The following CNTN1 variants were observed in gnomAD, a reference collection of about 807,000 sequenced individuals.
CNTN1 encodes the protein contactin 1.
CNTN1 carries 38 observed loss-of-function variants against 126.4 expected under a neutral mutation model. The ratio of observed to expected loss-of-function variants is 0.30; its 90% CI spans 0.23 to 0.39. CNTN1 has a LOEUF of 0.39. Ranked by LOEUF, CNTN1 falls within the 10% of genes least tolerant of loss-of-function variation. The pLI is 1.00. For synonymous variants in CNTN1, 413 were observed against 422.6 expected, an observed-to-expected ratio of 0.98 and a Z score of 0.28; for missense variants, 1,009 against 1,248.4, an observed-to-expected ratio of 0.81 and a Z score of 2.89.
At chr12:40,988,245 T>A (rs985556121) in intron 16 of CNTN1, among the ~76,000 whole-genome samples, 1 of 152,144 alleles carries the variant, frequency 6.6e-6, no homozygotes, top group African/African-American at 2.4e-5. Flanking sequence ...AACAGACACC[T>A]GAATTTTTAT....
chr12:41,060,409 G>C (rs1949916131), intron 23 of CNTN1, among the ~76,000 whole-genome samples: 1 of 152,162 alleles, frequency 6.6e-6, no homozygotes, highest in South Asian at 2.1e-4. Flanking sequence ...CTTTCTCTCT[G>C]GTTCTACTTG....
chr12:40,746,023 A>C (rs1938166261), intron 1 of CNTN1, among the ~76,000 whole-genome samples: 1 of 152,164 alleles, frequency 6.6e-6, no homozygotes, highest in South Asian at 2.1e-4. Flanking sequence ...AAATCACAAA[A>C]TGTCTATTCC....
intron 1 of CNTN1, among the ~76,000 whole-genome samples, chr12:40,886,284 G>A (rs946939877): frequency 2.0e-5 from 3 of 152,068 alleles, no homozygotes; most frequent in Non-Finnish European, 4.4e-5. Flanking sequence ...ACCAGACAGC[G>A]ATGGGCCCTG....
chr12:40,822,453 G>A (rs995554012), intron 1 of CNTN1, among the ~76,000 whole-genome samples: 5 of 151,836 alleles, frequency 3.3e-5, no homozygotes, highest in Admixed American at 6.6e-5. Context: ...TATCTTGCTT[G>A]TTTTTACATG....
chr12:40,997,078 T>C lies in CNTN1; in HGVS notation c.2113+3809T>C, dbSNP rs139311075. On this transcript the variant is annotated intron_variant, in intron 17 of 23. Transcript: ENST00000551295. Reference sequence around the variant, plus strand: ...TCAGCGCACACTTGGGTGCATTCTTTGGATTCAGACACGTGCATTATAAAA... The same window carrying C: ...TCAGCGCACACTTGGGTGCATTCTTCGGATTCAGACACGTGCATTATAAAA... Among the ~76,000 whole-genome samples the C allele has an allele frequency of 9.1e-3, 1,381 of 152,348 alleles. 11 individuals are homozygous for C. Among genetic ancestry groups the C allele is most frequent in the Middle Eastern group, 0.024 (7 of 294 alleles).
intron 1 of CNTN1, among the ~76,000 whole-genome samples, chr12:40,789,278 G>T (rs1409509681): frequency 6.6e-6 from 1 of 152,142 alleles, no homozygotes; most frequent in South Asian, 2.1e-4. Context: ...TCACCCATCA[G>T]TCAATAACAC....
intron 1 of CNTN1, among the ~76,000 whole-genome samples, chr12:40,819,213 G>A (rs1274163733): frequency 1.3e-5 from 2 of 152,166 alleles, no homozygotes; most frequent in African/African-American, 4.8e-5. Flanking sequence ...TCCCTTGGTG[G>A]AAAGGGTGTG....
At chr12:40,698,165 A>T (rs1941498300) in intron 1 of CNTN1, among the ~76,000 whole-genome samples, 1 of 151,328 alleles carries the variant, frequency 6.6e-6, no homozygotes, top group African/African-American at 2.4e-5. Context: ...AGAGTTATGC[A>T]GAGCTTTGCA....
chr12:40,805,156 A>G (rs1354741538), intron 1 of CNTN1, among the ~76,000 whole-genome samples: 5 of 151,992 alleles, frequency 3.3e-5, no homozygotes, highest in Non-Finnish European at 7.4e-5. Flanking sequence ...TGGTATTTAT[A>G]ATATTTGAGG....
intron 23 of CNTN1, among the ~76,000 whole-genome samples, chr12:41,029,811 T>C (rs1046025320): frequency 6.6e-6 from 1 of 152,132 alleles, no homozygotes; most frequent in African/African-American, 2.4e-5. Flanking sequence ...CCTTTGTCTT[T>C]TCTCTTTCTC....
intron 1 of CNTN1, among the ~76,000 whole-genome samples, chr12:40,736,461 C>G (rs1937688127): frequency 6.6e-6 from 1 of 151,944 alleles, no homozygotes; most frequent in Non-Finnish European, 1.5e-5. Flanking sequence ...TAACATATTT[C>G]CCAAAGGAAA....
rs758956439 is a variant in CNTN1 at position 40,933,481 on chromosome 12, G to C, written c.724G>C (p.Ala242Pro). ...IPERTTKPYP[A>P]DIVVQFKDVY... The stretch of plus-strand genomic sequence containing the variant: ...ATTAGGAACAACAAAACCATATCCT[G>C]CTGATATTGTAGTTCAGTTCAAGGA... Residue 242 changes from alanine to proline, a missense_variant, in exon 8 of 24, where the codon GCT becomes CCT. Coordinates refer to ENST00000551295, the MANE Select transcript of CNTN1 (RefSeq NM_001843.4). The C allele has an allele frequency of 1.2e-6, 2 of 1,607,998 alleles. No homozygotes were observed. Among genetic ancestry groups the C allele is most frequent in the African/African-American group, 2.7e-5 (2 of 74,820 alleles).
intron 1 of CNTN1, among the ~76,000 whole-genome samples, chr12:40,890,502 A>G (rs754041294): frequency 2.0e-5 from 3 of 151,798 alleles, no homozygotes; most frequent in Non-Finnish European, 4.4e-5. Context: ...TGATCTCCCT[A>G]TTCATTTCTC....
chr12:40,810,709 A>G (rs938908875), intron 1 of CNTN1, among the ~76,000 whole-genome samples: 1 of 152,130 alleles, frequency 6.6e-6, no homozygotes, highest in African/African-American at 2.4e-5. Context: ...GTTGCAAATG[A>G]CAGGATTTCC....
At chr12:40,779,343 A>C (rs927931201) in intron 1 of CNTN1, among the ~76,000 whole-genome samples, 14 of 151,980 alleles carry the variant, frequency 9.2e-5, no homozygotes, top group African/African-American at 3.4e-4. Context: ...ACAAGTTAAG[A>C]ACTTAACCTT....
intron 9 of CNTN1, among the ~76,000 whole-genome samples, chr12:40,934,176 T>C (rs887014466): frequency 2.0e-5 from 3 of 152,016 alleles, no homozygotes; most frequent in African/African-American, 7.2e-5. Flanking sequence ...TATCACTGTC[T>C]TTTTTCAGTA....
At chr12:40,806,835 GT>G (rs1415976995) in intron 1 of CNTN1, among the ~76,000 whole-genome samples, 1 of 152,046 alleles carries the variant, frequency 6.6e-6, no homozygotes, top group Non-Finnish European at 1.5e-5. Flanking sequence ...GGAGGAACTT[GT>G]CCCTTTTTGA....
intron 14 of CNTN1, among the ~76,000 whole-genome samples, chr12:40,953,569 C>T (rs1385683261): frequency 6.6e-6 from 1 of 152,048 alleles, no homozygotes; most frequent in Non-Finnish European, 1.5e-5. Context: ...AAATGTAGAA[C>T]CAGTGAGAAT....
intron 19 of CNTN1, among the ~76,000 whole-genome samples, chr12:41,018,821 T>C (rs1410946504): frequency 6.6e-6 from 1 of 152,116 alleles, no homozygotes; most frequent in African/African-American, 2.4e-5. Context: ...AAAGTCCTGA[T>C]GACAAACTTA....
Sources: gnomAD v4.1 joint callset for allele counts (sites outside exome capture counted in the v4.1 genomes callset) on GRCh38, gnomAD v4.1.1 for gene constraint, MANE v1.5 for transcripts, NCBI Gene and HGNC (gene_info 2026-07-23, HGNC 2026-07-21) for gene names.